Variants in GRIK5 observed in about 807,000 individuals in gnomAD.
GRIK5 encodes the protein glutamate ionotropic receptor kainate type subunit 5.
GRIK5 carries 43 observed loss-of-function variants against 97.4 expected under a neutral mutation model. The ratio of observed to expected loss-of-function variants is 0.44; its 90% confidence interval spans 0.35 to 0.57. GRIK5 has a LOEUF of 0.57. GRIK5 is among the 20% of genes least tolerant of loss of function. The pLI, the probability that GRIK5 is intolerant of heterozygous loss-of-function variation, is 0.01. For missense variants in GRIK5, 1,015 were observed against 1,382.0 expected (o/e 0.73, Z 4.21); for synonymous variants, 580 against 583.5 (o/e 0.99, Z 0.09).
At position 42,054,371 on chromosome 19, in the gene GRIK5, T is replaced by C. The variant is rs1032743246; in HGVS notation, c.1005A>G (p.Thr335=). The change falls in exon 9 of 20, where the codon ACA becomes ACG. Residue 335 remains threonine, a synonymous_variant. Coordinates refer to ENST00000593562, the MANE Select transcript of GRIK5 (RefSeq NM_002088.5). Reference sequence around the variant, plus strand: ...TCCCGTGGGGCCAAATGTTGGCCGATGTACAGGCCAGAGGCTTCACACCGA... The same window carrying C: ...TCCCGTGGGGCCAAATGTTGGCCGACGTACAGGCCAGAGGCTTCACACCGA... ...QEIGVKPLAC[T]SANIWPHGTS... is the part of the protein sequence containing the mutation. 10 of 1,613,544 alleles carry C rather than the reference T, an allele frequency of 6.2e-6. No homozygotes were observed. Among genetic ancestry groups the C allele is most frequent in the Admixed American group, 1.7e-5 (1 of 60,006 alleles).
intron 3 of GRIK5, among the ~76,000 whole-genome samples, chr19:42,064,405 AT>A (rs950278541): frequency 1.3e-5 from 2 of 152,016 alleles, no homozygotes; most frequent in African/African-American, 4.8e-5. Flanking sequence ...TGGATTCAGG[AT>A]GGGCTCAACC....
Position 42,042,425 on chromosome 19 carries a change from C to T in GRIK5, c.1473+127G>A. 1 of 780,346 alleles carries T rather than the reference C, an allele frequency of 1.3e-6. No individual in the cohort carries two copies. Among genetic ancestry groups the T allele is most frequent in the East Asian group, 2.6e-5 (1 of 38,886 alleles). 48.3% of individuals were successfully genotyped at this position (780,346 alleles called of 1,614,324 possible). On this transcript the variant is annotated intron_variant, in intron 12 of 19. Transcript: ENST00000593562. The surrounding 1 kb of genome is among the most constrained non-coding windows in gnomAD (Gnocchi z 6.9). ...AACATCAGTGAGGTGGTGTCAGGGGCCCTTCATGGCTCCTTCCTCTTCTGC... is the reference window on the plus strand; with the variant it reads ...AACATCAGTGAGGTGGTGTCAGGGGTCCTTCATGGCTCCTTCCTCTTCTGC...
intron 1 of GRIK5, among the ~76,000 whole-genome samples, chr19:42,066,547 CAGAG>C (rs1319111845): frequency 1.3e-5 from 2 of 149,860 alleles, no homozygotes; most frequent in Admixed American, 1.3e-4. Context: ...AAGGGAAAGA[CAGAG>C]AGACTCAGAA....
rs1568934075 is a variant in GRIK5, at chr19:42,065,325, G to GGGCCAA, written c.136_141dup (p.Leu46_Ala47dup). 3 of 1,611,496 alleles carry GGGCCAA rather than the reference G, an allele frequency of 1.9e-6. No individual in the cohort carries two copies. The highest frequency in any genetic ancestry group is 1.1e-5 in the South Asian group (1 of 90,982). On this transcript the variant is annotated inframe_insertion, in exon 3 of 20. Coordinates refer to ENST00000593562, the MANE Select transcript of GRIK5 (RefSeq NM_002088.5). The surrounding 1 kb of genome is among the most constrained non-coding windows in gnomAD (Gnocchi z 5.8). ...TCGATGATCCCGTTGATCTGCTCCC[G>GGGCCAA]GGCCAAGGCCAAGGCCAGACGCTCA...
chr19:42,036,628 T>C (rs538274006), intron 12 of GRIK5, among the ~76,000 whole-genome samples: 15 of 152,348 alleles, frequency 9.8e-5, no homozygotes, highest in African/African-American at 3.6e-4. Flanking sequence ...AGTACTGGGA[T>C]TACAGGCGTA....
At position 42,062,777 on chromosome 19, in the gene GRIK5, T is replaced by A. The variant is rs377428704; in HGVS notation, c.323A>T (p.His108Leu). 1 of 1,613,548 alleles carries A rather than the reference T, an allele frequency of 6.2e-7. No individual in the cohort carries two copies. Among genetic ancestry groups the A allele is most frequent in the Non-Finnish European group, 8.5e-7 (1 of 1,179,588 alleles). The change falls in exon 4 of 20, where the codon CAT becomes CTT. Residue 108 changes from histidine to leucine, a missense_variant. Around this residue, in one of 5 missense-constraint regions of GRIK5, gnomAD observed 198 missense variants for 218.2 expected, o/e 0.91. Coordinates refer to ENST00000593562, the MANE Select transcript of GRIK5 (RefSeq NM_002088.5). This position sits in a 1 kb window ranked among gnomAD's most constrained non-coding sequence, Gnocchi z 5.3. ...TCTCACCTCCTTCTCTCCACAGATA[T>A]GGCTCACGGTGGAGGCAGATGCTGG... The part of the protein sequence containing the change: ...SSPASASTVS[H>L]ICGEKEIPHI...
At chr19:42,034,514 T>C (rs1229241528) in intron 12 of GRIK5, among the ~76,000 whole-genome samples, 2 of 152,142 alleles carry the variant, frequency 1.3e-5, no homozygotes, top group Non-Finnish European at 2.9e-5. Context: ...CAAGTCTTTA[T>C]ACATATGGGC....
chr19:42,012,820 T>C (rs1244542506), intron 15 of GRIK5, among the ~76,000 whole-genome samples: 3 of 151,588 alleles, frequency 2.0e-5, no homozygotes, highest in South Asian at 4.2e-4. Context: ...TGAGCCAAGA[T>C]TGTACCACTG....
chr19:42,059,927 T>C (rs1234246255), intron 5 of GRIK5, among the ~76,000 whole-genome samples: 1 of 151,866 alleles, frequency 6.6e-6, no homozygotes, highest in Admixed American at 6.6e-5. Flanking sequence ...GGCCCTCCCT[T>C]CCAAACACAT....
In GRIK5 at chr19:42,053,696, T is replaced by A; in HGVS notation, c.1175A>T (p.Tyr392Phe). 1 of 1,606,010 alleles carries A rather than the reference T, an allele frequency of 6.2e-7. No individual in the cohort carries two copies. Among genetic ancestry groups the A allele is most frequent in the Non-Finnish European group, 8.5e-7 (1 of 1,172,738 alleles). ...RQGHREIGVWYSNRTLAMNAT... is the reference protein window; with the variant it reads ...RQGHREIGVWFSNRTLAMNAT... ...ATTCATGGCCAGGGTGCGGTTAGAG[T>A]ACCACACCCCAATCTAGGGGGCAGA... The change falls in exon 11 of 20, where the codon TAC (tyrosine) becomes TTC (phenylalanine). Residue 392 changes from tyrosine to phenylalanine, a missense_variant. Tyr to Phe is a conservative substitution (Grantham distance 22, BLOSUM62 3). Around this residue, in one of 5 missense-constraint regions of GRIK5, gnomAD observed 477 missense variants for 701.1 expected, o/e 0.68. Transcript: ENST00000593562.
Position 42,002,890 on chromosome 19 carries a change from C to A in GRIK5, c.2514+442G>T, listed in dbSNP as rs2075439931. On this transcript the variant is annotated intron_variant, in intron 19 of 19. Transcript: ENST00000593562. The surrounding 1 kb of genome is among the most constrained non-coding windows in gnomAD (Gnocchi z 5.2). ...AGCTGGGATTACAGGTGTGCACCAC[C>A]ATGCCCGGCTAATTTTTGTATTTTT... Among the ~76,000 whole-genome samples, 1 of 152,126 alleles carries A rather than the reference C, an allele frequency of 6.6e-6. No homozygotes were observed. Among genetic ancestry groups the A allele is most frequent in the South Asian group, 2.1e-4 (1 of 4,814 alleles).
chr19:42,010,486 CAG>C (rs1288810888), intron 15 of GRIK5, among the ~76,000 whole-genome samples: 13 of 152,322 alleles, frequency 8.5e-5, no homozygotes. Context: ...GACTTCTTGT[CAG>C]AGAGTGTGCA....
intron 15 of GRIK5, among the ~76,000 whole-genome samples, chr19:42,012,498 G>T (rs770425914): frequency 6.6e-6 from 1 of 152,084 alleles, no homozygotes; most frequent in Non-Finnish European, 1.5e-5. Flanking sequence ...CAATCCGCCC[G>T]CATCGGCCTC....
chr19:42,022,184 G>T lies in GRIK5; in HGVS notation c.1587+57C>A. ...TCCTGGGGCTGTCTGGCTCCCACTC[G>T]CAGGCCCTGAGCCTCCATGCCAGGC... On this transcript the variant is annotated intron_variant, in intron 13 of 19. Transcript: ENST00000593562. This position sits in a 1 kb window ranked among gnomAD's most constrained non-coding sequence, Gnocchi z 4.2. 6.8e-7 allele frequency: 1 copy of T among 1,466,714 alleles called. No homozygotes were observed. The highest frequency in any genetic ancestry group is 9.5e-7 in the Non-Finnish European group (1 of 1,048,568). The allele number at this position is 1,466,714 out of a possible 1,614,324, so 90.9% of individuals were successfully genotyped here. A position where few individuals can be genotyped will look rare whatever the true frequency, so the allele number is the denominator to read the frequency against.
At chr19:42,061,129 G>A (rs1302626031) in intron 5 of GRIK5, among the ~76,000 whole-genome samples, 1 of 152,078 alleles carries the variant, frequency 6.6e-6, no homozygotes, top group Non-Finnish European at 1.5e-5. Context: ...CTCACTGCAA[G>A]CTCCACCTCC....
At chr19:42,069,190 A>G (rs956766945) in intron 1 of GRIK5, 51 bp downstream of exon 1, 12 of 368,788 alleles carry the variant, frequency 3.3e-5, no homozygotes, top group Admixed American at 1.4e-4. Context: ...ACCAGAGCCC[A>G]GCCTTCCAGG....
chr19:42,010,735 G>A (rs2075551573), intron 15 of GRIK5, among the ~76,000 whole-genome samples: 1 of 152,184 alleles, frequency 6.6e-6, no homozygotes, highest in Admixed American at 6.5e-5. Context: ...AAGGGGTGAA[G>A]GGCACCCTCT....
At chr19:42,027,195 G>A (rs1032110173) in intron 12 of GRIK5, among the ~76,000 whole-genome samples, 2 of 152,202 alleles carry the variant, frequency 1.3e-5, no homozygotes, top group Admixed American at 1.3e-4. Flanking sequence ...AACATACAAC[G>A]TCAGGTAGTG....
At chr19:42,024,354 AG>A (rs775345991) in intron 12 of GRIK5, among the ~76,000 whole-genome samples, 7 of 151,980 alleles carry the variant, frequency 4.6e-5, no homozygotes, top group Non-Finnish European at 1.0e-4. Flanking sequence ...CTGGGATTAC[AG>A]GGGCATGCCA....
Sources: gnomAD v4.1 joint callset for allele counts (sites outside exome capture counted in the v4.1 genomes callset) on GRCh38, gnomAD v4.1.1 for gene constraint, gnomAD v4.1.1 regional missense constraint, Gnocchi (gnomAD v3.1) non-coding constraint, MANE v1.5 for transcripts, NCBI Gene and HGNC (gene_info 2026-07-23, HGNC 2026-07-21) for gene names.